PPT1: variants seen among roughly 807,000 people sequenced by gnomAD.
PPT1 encodes ceroid-palmitoyl-palmitoyl-protein thioesterase 1.
A neutral mutation model predicts 44.0 loss-of-function variants in PPT1; 24 were observed. The observed-to-expected ratio is 0.54, with a 90% confidence interval of 0.39 to 0.77. The LOEUF is 0.77. Among genes scored for constraint, PPT1 ranks in the 30% least tolerant of loss-of-function variants. PPT1 has a pLI of 0.00. For missense variants in PPT1, 341 were observed against 378.8 expected (o/e 0.90, Z 0.83); for synonymous variants, 148 against 140.2 (o/e 1.06, Z -0.39).
chr1:40,088,784 C>G (rs1008920631), intron 5 of PPT1, among the ~76,000 whole-genome samples: 6 of 152,204 alleles, frequency 3.9e-5, no homozygotes, highest in Admixed American at 2.0e-4. Flanking sequence ...CATAAAGAAT[C>G]TGTCCTCTAA....
At chr1:40,089,180 G>C (rs1269121726) in intron 5 of PPT1, among the ~76,000 whole-genome samples, 1 of 151,008 alleles carries the variant, frequency 6.6e-6, no homozygotes, top group East Asian at 2.0e-4. Context: ...CCAGCTACTC[G>C]GAGGCGGAGG....
At chr1:40,094,173 T>A (rs1023025370) in intron 1 of PPT1, among the ~76,000 whole-genome samples, 2 of 152,078 alleles carry the variant, frequency 1.3e-5, no homozygotes, top group African/African-American at 4.8e-5. Context: ...AGGACTAGGG[T>A]GAGGCAAATT....
chr1:40,074,983 G>C (rs1460903176), intron 8 of PPT1: 1 of 152,154 alleles, frequency 6.6e-6, no homozygotes, highest in African/African-American at 2.4e-5. Flanking sequence ...GGACAGGCGC[G>C]GTGGCTCACG....
At chr1:40,087,151 G>A (rs1396699195) in intron 5 of PPT1, among the ~76,000 whole-genome samples, 2 of 151,958 alleles carry the variant, frequency 1.3e-5, no homozygotes, top group South Asian at 2.1e-4. Flanking sequence ...GCCCTTGTGG[G>A]TTTATCACTT....
intron 5 of PPT1, among the ~76,000 whole-genome samples, chr1:40,083,279 C>T (rs1360168989): frequency 6.6e-6 from 1 of 152,076 alleles, no homozygotes; most frequent in Non-Finnish European, 1.5e-5. Flanking sequence ...AAGACCCCAC[C>T]TCTAGAAAAG....
Position 40,078,632 on chromosome 1 carries a change from G to C in PPT1, c.654C>G (p.Asn218Lys). ...ERGINESYKKNLMALKKFVMV... is the reference protein window; with the variant it reads ...ERGINESYKKKLMALKKFVMV... ...TCACAAACTTCTTCAGGGCCATCAGGTTTTTCTTGTAGGACTCATTGATAC... is the reference window on the plus strand; with the variant it reads ...TCACAAACTTCTTCAGGGCCATCAGCTTTTTCTTGTAGGACTCATTGATAC... Residue 218 changes from asparagine to lysine, a missense_variant, in exon 7 of 9, where the codon AAC becomes AAG. By Grantham distance (94) the Asn-to-Lys change is moderately conservative. Coordinates refer to ENST00000642050, the MANE Select transcript of PPT1 (RefSeq NM_000310.4). 2 of 1,613,882 alleles carry C rather than the reference G, an allele frequency of 1.2e-6. No individual in the cohort carries two copies. The highest frequency in any genetic ancestry group is 1.7e-6 in the Non-Finnish European group (2 of 1,179,836).
chr1:40,090,358 G>GTA, intron 4 of PPT1, among the ~76,000 whole-genome samples: 1 of 152,064 alleles, frequency 6.6e-6, no homozygotes. Context: ...ATGTGTGTGT[G>GTA]TATATATGTG....
intron 5 of PPT1, among the ~76,000 whole-genome samples, chr1:40,082,536 T>C (rs1233824859): frequency 1.3e-5 from 2 of 152,022 alleles, no homozygotes; most frequent in African/African-American, 4.8e-5. Context: ...GTGGTCTAGA[T>C]AGAAGACCAA....
chr1:40,094,239 A>G (rs909600028), intron 1 of PPT1, among the ~76,000 whole-genome samples: 2 of 152,166 alleles, frequency 1.3e-5, no homozygotes, highest in African/African-American at 4.8e-5. Context: ...AGGTTTGTGG[A>G]AGACAATTTT....
In PPT1 at chr1:40,091,096, C is replaced by T. The variant is rs149175148; in HGVS notation, c.433+233G>A. Among the ~76,000 whole-genome samples the T allele has an allele frequency of 8.6e-4, 131 of 152,308 alleles. 1 individual carries two copies. The East Asian group carries it at 0.022, about 25-fold the overall frequency. Reference sequence around the variant, plus strand: ...TATAACCATCTTACTTCCATGCAATCGTGTCAATGAAATTGGAGAGAAGTA... The same window carrying T: ...TATAACCATCTTACTTCCATGCAATTGTGTCAATGAAATTGGAGAGAAGTA... On this transcript the variant is annotated intron_variant, in intron 4 of 8. Coordinates refer to ENST00000642050, the MANE Select transcript of PPT1 (RefSeq NM_000310.4).
chr1:40,082,563 C>T (rs11207465), intron 5 of PPT1, among the ~76,000 whole-genome samples: 1,646 of 152,244 alleles, frequency 0.011, 28 homozygotes, highest in African/African-American at 0.035. Context: ...CACAACATTC[C>T]CTTAAGCCAA....
chr1:40,078,498 G>C, intron 7 of PPT1, 62 bp downstream of exon 7: 1 of 1,519,220 alleles, frequency 6.6e-7, no homozygotes. Flanking sequence ...CACCGTGCCC[G>C]GCCAGCAGCC....
chr1:40,079,995 C>T (rs1039349192), intron 6 of PPT1, among the ~76,000 whole-genome samples: 10 of 152,186 alleles, frequency 6.6e-5, no homozygotes, highest in African/African-American at 2.2e-4. Flanking sequence ...CAGAACCTAC[C>T]AAACCATGTT....
At chr1:40,094,083 A>G in intron 1 of PPT1, 1 of 652,994 alleles carries the variant, frequency 1.5e-6, no homozygotes, top group Non-Finnish European at 2.8e-6. Flanking sequence ...CAAATGAAAA[A>G]TAAGCAGAGG....
In PPT1 at chr1:40,084,573, G is replaced by A. The variant is rs61778982; in HGVS notation, c.537-4086C>T. Among the ~76,000 whole-genome samples the A allele has an allele frequency of 3.8e-3, 585 of 152,286 alleles. 15 individuals are homozygous for A. The highest frequency in any genetic ancestry group is 0.035 in the East Asian group (181 of 5,180). On this transcript the variant is annotated intron_variant, in intron 5 of 8. Coordinates refer to ENST00000642050, the MANE Select transcript of PPT1 (RefSeq NM_000310.4). ...AAGAAATTAGCACAGCCACCCCAAT[G>A]TGGGCAGCAGGCCACCCAGGTGCCG...
At chr1:40,077,468 A>T (rs916457928) in intron 7 of PPT1, among the ~76,000 whole-genome samples, 2 of 152,238 alleles carry the variant, frequency 1.3e-5, no homozygotes, top group African/African-American at 4.8e-5. Flanking sequence ...CAAATACTTG[A>T]TATGTCTAAA....
At chr1:40,085,976 GT>G (rs1203691062) in intron 5 of PPT1, among the ~76,000 whole-genome samples, 3 of 152,168 alleles carry the variant, frequency 2.0e-5, no homozygotes, top group Admixed American at 6.5e-5. Context: ...AGAAAACCAA[GT>G]TGCAAGTTCA....
intron 5 of PPT1, among the ~76,000 whole-genome samples, chr1:40,083,114 T>C (rs1453809821): frequency 6.6e-6 from 1 of 152,198 alleles, no homozygotes. Context: ...TTAAGCCCAC[T>C]GTTGAGACCT....
At chr1:40,080,604 A>AG in intron 5 of PPT1, 117 bp from the exon 6 acceptor site, 1 of 933,148 alleles carries the variant, frequency 1.1e-6, no homozygotes, top group South Asian at 1.3e-5. Context: ...AGCCAGGCAC[A>AG]GTGGCTCACA....
Sources: allele counts gnomAD v4.1 joint callset (sites outside exome capture counted in the v4.1 genomes callset), GRCh38; gene constraint gnomAD v4.1.1; transcripts MANE v1.5; gene names NCBI Gene and HGNC (gene_info 2026-07-23, HGNC 2026-07-21).